The following ANKRD62 variants were observed in gnomAD, a reference collection of about 807,000 sequenced individuals.
ANKRD62 encodes the protein ankyrin repeat domain-containing protein 62.
A neutral mutation model predicts 98.8 loss-of-function variants in ANKRD62; 61 were observed. The ratio of observed to expected loss-of-function variants is 0.62; its 90% CI spans 0.50 to 0.76. The LOEUF (loss-of-function observed/expected upper bound fraction) is 0.76. Ranked by LOEUF, ANKRD62 falls within the 30% of genes least tolerant of loss-of-function variation. The pLI is 0.00. For synonymous variants in ANKRD62, 341 were observed against 367.9 expected (o/e 0.93, Z 0.84); for missense variants, 933 against 1,082.9 (o/e 0.86, Z 1.94).
the ANKRD62 span, among the ~76,000 whole-genome samples, chr18:12,165,239 G>A: frequency 1.3e-5 from 2 of 152,018 alleles, no homozygotes; most frequent in Admixed American, 6.5e-5. Flanking sequence ...GCAACTCTGT[G>A]TCTTTTTATT....
intron 1 of ANKRD62, among the ~76,000 whole-genome samples, chr18:12,094,513 G>T (rs981833040): frequency 1.4e-3 from 1 of 708 alleles, no homozygotes; most frequent in African/African-American, 0.014. Flanking sequence ...GGGTGGGATG[G>T]GTTGGGGGAC....
At chr18:12,096,453 A>G (rs1171170550) in intron 4 of ANKRD62, among the ~76,000 whole-genome samples, 151 bp downstream of exon 4, 1 of 152,200 alleles carries the variant, frequency 6.6e-6, no homozygotes, top group Non-Finnish European at 1.5e-5. Context: ...TAGAAAAACA[A>G]TTATTTGGAC....
At chr18:12,177,352 A>C in the ANKRD62 span, among the ~76,000 whole-genome samples, 2 of 152,170 alleles carry the variant, frequency 1.3e-5, no homozygotes, top group Non-Finnish European at 2.9e-5. Context: ...TGGGGAAGAC[A>C]TTCCTCAAGG....
At chr18:12,108,005 A>C (rs1909453605) in intron 8 of ANKRD62, among the ~76,000 whole-genome samples, 1 of 152,212 alleles carries the variant, frequency 6.6e-6, no homozygotes, top group African/African-American at 2.4e-5. Flanking sequence ...TATGGTAAGA[A>C]CTTTCATTAT....
intron 10 of ANKRD62, among the ~76,000 whole-genome samples, chr18:12,118,055 C>T (rs1285258065): frequency 3.9e-5 from 6 of 152,116 alleles, no homozygotes; most frequent in African/African-American, 1.4e-4. Flanking sequence ...AATGGATGAG[C>T]CTACATTGGC....
At chr18:12,132,829 A>C (rs370702311), downstream of ANKRD62, among the ~76,000 whole-genome samples, 9 of 152,236 alleles carry the variant, frequency 5.9e-5, no homozygotes, top group East Asian at 1.3e-3. Context: ...TTTTAAATGT[A>C]GTTTTTTCTT....
intron 8 of ANKRD62, among the ~76,000 whole-genome samples, chr18:12,114,254 T>C (rs1204822777): frequency 6.6e-6 from 1 of 152,162 alleles, no homozygotes; most frequent in African/African-American, 2.4e-5. Flanking sequence ...CAAGTTTACA[T>C]ATATAACAAA....
At chr18:12,110,828 C>T (rs1013024376) in intron 8 of ANKRD62, among the ~76,000 whole-genome samples, 1 of 152,194 alleles carries the variant, frequency 6.6e-6, no homozygotes, top group Non-Finnish European at 1.5e-5. Context: ...TTCAGAATGT[C>T]AGTCACTCAC....
At chr18:12,100,581 A>G (rs1378930211) in intron 6 of ANKRD62, among the ~76,000 whole-genome samples, 1 of 152,218 alleles carries the variant, frequency 6.6e-6, no homozygotes, top group East Asian at 1.9e-4. Context: ...TTCTGGTACC[A>G]TGAACAAACA....
At chr18:12,130,591 C>T (rs2143939525), downstream of ANKRD62, among the ~76,000 whole-genome samples, 1 of 152,100 alleles carries the variant, frequency 6.6e-6, no homozygotes, top group Non-Finnish European at 1.5e-5. Context: ...AGGGATGGTA[C>T]CCAAGAGTAA....
At chr18:12,151,536 C>G in the ANKRD62 span, among the ~76,000 whole-genome samples, 3 of 152,262 alleles carry the variant, frequency 2.0e-5, no homozygotes, top group Non-Finnish European at 4.4e-5. Context: ...GGATATAAAA[C>G]AATCCTTAGC....
intron 8 of ANKRD62, among the ~76,000 whole-genome samples, chr18:12,114,726 A>C (rs1909622985): frequency 6.6e-6 from 1 of 152,220 alleles, no homozygotes; most frequent in Non-Finnish European, 1.5e-5. Context: ...AATAGGTCTT[A>C]GTACCAGTAA....
intron 7 of ANKRD62, among the ~76,000 whole-genome samples, chr18:12,105,154 A>AT (rs1909385672): frequency 6.6e-6 from 1 of 152,344 alleles, no homozygotes; most frequent in Admixed American, 6.5e-5. Context: ...CTCCAGAGAA[A>AT]TTAAGTATGT....
At chr18:12,175,641 C>T in the ANKRD62 span, among the ~76,000 whole-genome samples, 1 of 152,002 alleles carries the variant, frequency 6.6e-6, no homozygotes, top group South Asian at 2.1e-4. Context: ...CAAGGCTGCC[C>T]TGCAAGCAGG....
At chr18:12,131,278 C>A (rs1287661492), downstream of ANKRD62, among the ~76,000 whole-genome samples, 1 of 152,090 alleles carries the variant, frequency 6.6e-6, no homozygotes, top group African/African-American at 2.4e-5. Context: ...AACATAACTG[C>A]AGAAGTAGAT....
At chr18:12,146,371 G>C in the ANKRD62 span, among the ~76,000 whole-genome samples, 1 of 152,140 alleles carries the variant, frequency 6.6e-6, no homozygotes, top group Admixed American at 6.6e-5. Context: ...TGGAGAGTCA[G>C]AGGCATCTGG....
chr18:12,165,104 T>A, the ANKRD62 span, among the ~76,000 whole-genome samples: 1 of 152,028 alleles, frequency 6.6e-6, no homozygotes, highest in South Asian at 2.1e-4. Flanking sequence ...CCTGCGCTTT[T>A]TTGGTTTCCT....
chr18:12,137,851 C>T, the ANKRD62 span, among the ~76,000 whole-genome samples: 2 of 152,162 alleles, frequency 1.3e-5, no homozygotes, highest in Admixed American at 6.5e-5. Context: ...TTATAGTATT[C>T]TCTGATGGTA....
the ANKRD62 span, among the ~76,000 whole-genome samples, chr18:12,141,019 G>GA: frequency 6.6e-6 from 1 of 152,242 alleles, no homozygotes; most frequent in Non-Finnish European, 1.5e-5. Context: ...GAGCTTCCTG[G>GA]CTGCTTTGTT....
Sources: allele counts gnomAD v4.1 joint callset (sites outside exome capture counted in the v4.1 genomes callset), GRCh38; gene constraint gnomAD v4.1.1; transcripts MANE v1.5; gene names NCBI Gene and HGNC (gene_info 2026-07-23, HGNC 2026-07-21).